LARS2: variants seen among roughly 807,000 people sequenced by gnomAD.
LARS2 encodes the protein leucine--tRNA ligase, mitochondrial.
LARS2 carries 81 observed loss-of-function variants against 116.6 expected under a neutral mutation model. The ratio of observed to expected loss-of-function variants is 0.69; its 90% CI spans 0.58 to 0.84. LARS2 has a LOEUF of 0.84. LARS2 is among the 40% of genes least tolerant of loss of function. The pLI is 0.00. For synonymous variants in LARS2, 396 were observed against 407.2 expected, an observed-to-expected ratio of 0.97 and a Z score of 0.33; for missense variants, 968 against 1,114.5, an observed-to-expected ratio of 0.87 and a Z score of 1.87.
chr3:45,398,370 A>G (rs2125674193), intron 3 of LARS2, among the ~76,000 whole-genome samples: 1 of 152,256 alleles, frequency 6.6e-6, no homozygotes, highest in East Asian at 1.9e-4. Flanking sequence ...AACATTCAGC[A>G]AACAATATTT....
At chr3:45,415,861 AT>A (rs1175886953) in intron 4 of LARS2, among the ~76,000 whole-genome samples, 69 of 61,558 alleles carry the variant, frequency 1.1e-3, no homozygotes, top group African/African-American at 6.2e-3. Flanking sequence ...AAAAAAAAAA[AT>A]ATATATATAT....
At chr3:45,499,399 G>A (rs1199319020) in intron 14 of LARS2, among the ~76,000 whole-genome samples, 1 of 152,050 alleles carries the variant, frequency 6.6e-6, no homozygotes, top group African/African-American at 2.4e-5. Flanking sequence ...CCGAGATCAC[G>A]CCCCTGCAAC....
chr3:45,428,095 A>G (rs1020940632), intron 6 of LARS2, among the ~76,000 whole-genome samples: 43 of 152,036 alleles, frequency 2.8e-4, no homozygotes, highest in African/African-American at 9.9e-4. Flanking sequence ...TGCTGGGATT[A>G]CAGGCGTGAG....
At chr3:45,394,281 A>G (rs1219593528) in intron 2 of LARS2, among the ~76,000 whole-genome samples, 152 bp from the exon 3 acceptor site, 1 of 152,232 alleles carries the variant, frequency 6.6e-6, no homozygotes, top group Non-Finnish European at 1.5e-5. Flanking sequence ...GTTTAGCTCA[A>G]TTGAATTGCT....
chr3:45,491,814 TC>T lies in LARS2; in HGVS notation c.1523+17del, dbSNP rs770713062. Reference sequence around the variant, plus strand: ...CTCCTGCCCAAGGTAAGGAGCCACATCCCTGCAGTGGTGACTGTGCCTATGG... The same window carrying T: ...CTCCTGCCCAAGGTAAGGAGCCACATCCTGCAGTGGTGACTGTGCCTATGG... On this transcript the variant is annotated intron_variant, in intron 13 of 21. Transcript: ENST00000645846. 1.2e-6 allele frequency: 2 copies of T among 1,610,668 alleles called. No individual in the cohort carries two copies. Among genetic ancestry groups the T allele is most frequent in the Non-Finnish European group, 1.7e-6 (2 of 1,178,156 alleles).
intron 15 of LARS2, among the ~76,000 whole-genome samples, chr3:45,507,956 C>T (rs1478936315): frequency 6.6e-6 from 1 of 152,002 alleles, no homozygotes; most frequent in Non-Finnish European, 1.5e-5. Context: ...CAGCTTCCCT[C>T]CTTCCGGTGG....
intron 2 of LARS2, among the ~76,000 whole-genome samples, chr3:45,393,562 G>A (rs1374239346): frequency 2.0e-5 from 3 of 151,880 alleles, no homozygotes; most frequent in Non-Finnish European, 2.9e-5. Flanking sequence ...GCAATAGAGC[G>A]AGACTCTGTC....
intron 20 of LARS2, among the ~76,000 whole-genome samples, chr3:45,536,691 G>C (rs1048283587): frequency 2.6e-5 from 4 of 152,166 alleles, no homozygotes; most frequent in Admixed American, 1.3e-4. Flanking sequence ...TTGAAGCAAA[G>C]CGAAACCTAA....
intron 20 of LARS2, among the ~76,000 whole-genome samples, chr3:45,537,824 G>T (rs1188914233): frequency 6.6e-6 from 1 of 152,164 alleles, no homozygotes; most frequent in Non-Finnish European, 1.5e-5. Context: ...GTGACATGGT[G>T]ACCTCACCAC....
At chr3:45,398,982 A>C (rs1259617147) in intron 3 of LARS2, among the ~76,000 whole-genome samples, 2 of 152,188 alleles carry the variant, frequency 1.3e-5, no homozygotes, top group Non-Finnish European at 2.9e-5. Flanking sequence ...GGGAAGAATT[A>C]AGATGCCAGA....
chr3:45,431,333 A>G lies in LARS2; in HGVS notation c.516+11604A>G, dbSNP rs187655912. Among the ~76,000 whole-genome samples the G allele has an allele frequency of 1.2e-3, 182 of 152,372 alleles. 1 individual carries two copies. Among genetic ancestry groups the G allele is most frequent in the Non-Finnish European group, 1.8e-3 (120 of 68,032 alleles). ...CTTGTACCTCTACTTTTTGTTTTCT[A>G]TATAATTTAAGAGACTAATACATTT... On this transcript the variant is annotated intron_variant, in intron 6 of 21. Transcript: ENST00000645846.
At chr3:45,458,949 T>TC in intron 8 of LARS2, 63 bp downstream of exon 8, 1 of 1,547,330 alleles carries the variant, frequency 6.5e-7, no homozygotes, top group Non-Finnish European at 8.9e-7. Context: ...CACCAAAGGC[T>TC]TCTGGGTATG....
Position 45,509,038 on chromosome 3 carries a change from G to T in LARS2, c.1761-4097G>T, listed in dbSNP as rs186717725. Among the ~76,000 whole-genome samples the T allele has an allele frequency of 1.2e-4, 18 of 151,438 alleles. 1 individual carries two copies. The highest frequency in any genetic ancestry group is 2.4e-4 in the Non-Finnish European group (16 of 67,714). On this transcript the variant is annotated intron_variant, in intron 15 of 21. Coordinates refer to ENST00000645846, the MANE Select transcript of LARS2 (RefSeq NM_015340.4). ...ATCTCCCCCCAGTTTTCATCACTGTGCTTACATATAGCTGTGCTTCAGTGC... is the reference window on the plus strand; with the variant it reads ...ATCTCCCCCCAGTTTTCATCACTGTTCTTACATATAGCTGTGCTTCAGTGC...
chr3:45,400,703 C>T (rs1239087102), intron 4 of LARS2, among the ~76,000 whole-genome samples: 2 of 152,150 alleles, frequency 1.3e-5, no homozygotes, highest in African/African-American at 2.4e-5. Context: ...TTGTATATAA[C>T]GAACTGAGGT....
At chr3:45,540,126 G>A (rs1397036551) in intron 20 of LARS2, among the ~76,000 whole-genome samples, 1 of 151,822 alleles carries the variant, frequency 6.6e-6, no homozygotes, top group Non-Finnish European at 1.5e-5. Context: ...AGGCATGGTG[G>A]CAGGCGCCTG....
At chr3:45,544,092 G>A (rs545808840) in intron 21 of LARS2, among the ~76,000 whole-genome samples, 4 of 152,212 alleles carry the variant, frequency 2.6e-5, no homozygotes, top group Non-Finnish European at 4.4e-5. Context: ...CTGGGTTCTC[G>A]CTCCATGTGA....
intron 19 of LARS2, among the ~76,000 whole-genome samples, chr3:45,522,235 G>A (rs548027060): frequency 9.2e-5 from 14 of 152,330 alleles, no homozygotes; most frequent in Non-Finnish European, 1.8e-4. Context: ...CAGGTTGATT[G>A]TGTTATATCC....
intron 19 of LARS2, 89 bp from the exon 20 acceptor site, chr3:45,523,908 G>A (rs1056253981): frequency 4.0e-5 from 37 of 931,704 alleles, no homozygotes; most frequent in Admixed American, 7.5e-5. Context: ...ACCAGCTTGT[G>A]TCTCTGGACT....
intron 20 of LARS2, among the ~76,000 whole-genome samples, chr3:45,526,282 T>C (rs941809907): frequency 6.6e-6 from 1 of 152,208 alleles, no homozygotes; most frequent in Non-Finnish European, 1.5e-5. Flanking sequence ...AAATGAACAA[T>C]TTTGTTCCTA....
Sources: gnomAD v4.1 joint callset for allele counts (sites outside exome capture counted in the v4.1 genomes callset) on GRCh38, gnomAD v4.1.1 for gene constraint, MANE v1.5 for transcripts, NCBI Gene and HGNC (gene_info 2026-07-23, HGNC 2026-07-21) for gene names.